The following UNC13C variants were observed in gnomAD, a reference collection of about 807,000 sequenced individuals.
The protein encoded by UNC13C is unc-13 homolog C, also known as protein unc-13 homolog C.
Under a neutral mutation model 245.4 loss-of-function variants are expected in UNC13C, and 174 were observed. The observed-to-expected ratio is 0.71, with a 90% CI of 0.63 to 0.80. The LOEUF is 0.80. UNC13C is among the 30% of genes least tolerant of loss of function. UNC13C has a pLI of 0.00. For missense variants in UNC13C, 2,829 were observed against 2,602.9 expected, an observed-to-expected ratio of 1.09 and a Z score of -1.89; for synonymous variants, 992 against 895.1, an observed-to-expected ratio of 1.11 and a Z score of -1.93.
the UNC13C span, among the ~76,000 whole-genome samples, chr15:53,915,198 G>A: frequency 6.6e-6 from 1 of 152,324 alleles, no homozygotes; most frequent in African/African-American, 2.4e-5. Flanking sequence ...GGTTTCAGTA[G>A]AAGGTCCACT....
intron 19 of UNC13C, among the ~76,000 whole-genome samples, chr15:54,418,489 C>T (rs116721077): frequency 1.8e-3 from 271 of 152,172 alleles, no homozygotes; most frequent in African/African-American, 6.1e-3. Flanking sequence ...TGTTTCTTCC[C>T]GCACCCTGTC....
At chr15:54,427,138 G>T (rs1366835027) in intron 19 of UNC13C, among the ~76,000 whole-genome samples, 1 of 151,584 alleles carries the variant, frequency 6.6e-6, no homozygotes, top group Non-Finnish European at 1.5e-5. Flanking sequence ...CTTTACTATT[G>T]AAAATGTATA....
intron 2 of UNC13C, among the ~76,000 whole-genome samples, chr15:54,135,080 C>A (rs1166188517): frequency 1.3e-5 from 2 of 151,944 alleles, no homozygotes; most frequent in Non-Finnish European, 2.9e-5. Context: ...TATTGAGCAC[C>A]TTTTTAAATG....
intron 4 of UNC13C, among the ~76,000 whole-genome samples, chr15:54,202,893 G>A (rs2034568320): frequency 2.0e-5 from 3 of 151,902 alleles, no homozygotes; most frequent in South Asian, 2.1e-4. Flanking sequence ...CAACAGAATG[G>A]GAGAAAATCT....
intron 2 of UNC13C, among the ~76,000 whole-genome samples, chr15:54,086,262 C>T (rs1019118435): frequency 6.6e-6 from 1 of 152,094 alleles, no homozygotes; most frequent in Admixed American, 6.5e-5. Context: ...TCTCTATTTC[C>T]GTGTAGCCAC....
chr15:54,616,722 GTTTAC>G (rs369418088), intron 30 of UNC13C, among the ~76,000 whole-genome samples: 7 of 152,094 alleles, frequency 4.6e-5, no homozygotes, highest in African/African-American at 1.4e-4. Flanking sequence ...GTTACAGAAA[GTTTAC>G]TTTATTATTG....
rs562201890 is a variant in UNC13C, at chr15:54,258,741, A to G, written c.3449-5427A>G. On this transcript the variant is annotated intron_variant, in intron 8 of 32. Transcript: ENST00000260323. Reference sequence around the variant, plus strand: ...AAATCACTATACTTATTCCATTACTATTATTAAAGCTATATGTGTTATCTC... The same window carrying G: ...AAATCACTATACTTATTCCATTACTGTTATTAAAGCTATATGTGTTATCTC... 7.9e-5 allele frequency among the ~76,000 whole-genome samples: 12 copies of G among 152,236 alleles called. No homozygotes were observed. In the South Asian group the frequency reaches 1.7e-3, roughly 21 times the overall value.
At chr15:54,473,462 T>C (rs1288983761) in intron 19 of UNC13C, among the ~76,000 whole-genome samples, 1 of 151,854 alleles carries the variant, frequency 6.6e-6, no homozygotes, top group Non-Finnish European at 1.5e-5. Flanking sequence ...TATTCTTTCT[T>C]TGTAACTTTA....
the UNC13C span, among the ~76,000 whole-genome samples, chr15:53,873,466 C>T: frequency 2.6e-5 from 4 of 152,248 alleles, no homozygotes; most frequent in South Asian, 8.3e-4. Context: ...AGCAGCTTTG[C>T]CTTGTCAAAT....
the UNC13C span, among the ~76,000 whole-genome samples, chr15:53,854,505 C>A: frequency 1.3e-5 from 2 of 152,102 alleles, no homozygotes; most frequent in African/African-American, 4.8e-5. Flanking sequence ...TTTTAATTTT[C>A]TGCATATGGC....
At chr15:54,000,087 G>C (rs551058698) in intron 1 of UNC13C, among the ~76,000 whole-genome samples, 1 of 152,196 alleles carries the variant, frequency 6.6e-6, no homozygotes, top group East Asian at 1.9e-4. Flanking sequence ...TTACTTCAAA[G>C]ACAGCTAAAT....
At chr15:54,290,883 C>G (rs2037279388) in intron 10 of UNC13C, among the ~76,000 whole-genome samples, 1 of 151,956 alleles carries the variant, frequency 6.6e-6, no homozygotes, top group African/African-American at 2.4e-5. Context: ...AGAACTCTGT[C>G]TTCCAGGGCT....
chr15:53,936,622 C>A, the UNC13C span, among the ~76,000 whole-genome samples: 1 of 152,204 alleles, frequency 6.6e-6, no homozygotes, highest in South Asian at 2.1e-4. Flanking sequence ...AGCATTCAGG[C>A]TGGCATCAGG....
chr15:54,322,677 A>C (rs2038193631), intron 14 of UNC13C, among the ~76,000 whole-genome samples: 1 of 151,634 alleles, frequency 6.6e-6, no homozygotes, highest in Middle Eastern at 3.4e-3. Context: ...GAGCCCCAAG[A>C]ATTCGTCTGT....
At chr15:54,517,475 A>G (rs1004613027) in intron 24 of UNC13C, among the ~76,000 whole-genome samples, 5 of 152,130 alleles carry the variant, frequency 3.3e-5, no homozygotes, top group African/African-American at 4.8e-5. Flanking sequence ...ACAAGGTGTA[A>G]GGAACTTGGT....
chr15:54,612,903 T>A (rs1900197511), intron 30 of UNC13C, among the ~76,000 whole-genome samples: 1 of 151,930 alleles, frequency 6.6e-6, no homozygotes, highest in Non-Finnish European at 1.5e-5. Context: ...GTCAAAGGCT[T>A]GCATTTTGTC....
the UNC13C span, among the ~76,000 whole-genome samples, chr15:53,891,154 T>G: frequency 6.6e-6 from 1 of 152,232 alleles, no homozygotes; most frequent in Non-Finnish European, 1.5e-5. Context: ...TTGTTCAATT[T>G]CCATGTAGTT....
chr15:54,352,416 A>C (rs1427711695), intron 17 of UNC13C, among the ~76,000 whole-genome samples: 3 of 150,372 alleles, frequency 2.0e-5, no homozygotes, highest in Admixed American at 6.6e-5. Flanking sequence ...TAATTGTTTA[A>C]TTCATCACCA....
chr15:54,054,051 A>G (rs1897390940), intron 2 of UNC13C, among the ~76,000 whole-genome samples: 1 of 152,162 alleles, frequency 6.6e-6, no homozygotes, highest in Non-Finnish European at 1.5e-5. Flanking sequence ...GTTGCTTCCA[A>G]ATCTTGGCTA....
Sources: gnomAD v4.1 joint callset for allele counts (sites outside exome capture counted in the v4.1 genomes callset) on GRCh38, gnomAD v4.1.1 for gene constraint, MANE v1.5 for transcripts, NCBI Gene and HGNC (gene_info 2026-07-23, HGNC 2026-07-21) for gene names.